The following TFDP2 variants were observed in gnomAD, a reference collection of about 807,000 sequenced individuals.
The protein encoded by TFDP2 is transcription factor Dp-2, also known as transcription factor Dp-2 (E2F dimerization partner 2).
Under a neutral mutation model 59.3 loss-of-function variants are expected in TFDP2, and 17 were observed. That is an observed-to-expected ratio of 0.29 (90% CI 0.20 to 0.43). TFDP2 has a LOEUF of 0.43. Among genes scored for constraint, TFDP2 ranks in the 20% least tolerant of loss-of-function variants. The probability of loss-of-function intolerance (pLI) is 1.00; values close to 1 mark genes in which losing one functional copy is unlikely to be tolerated. For synonymous variants in TFDP2, 180 were observed against 194.7 expected, an observed-to-expected ratio of 0.92 and a Z score of 0.63; for missense variants, 391 against 528.8, an observed-to-expected ratio of 0.74 and a Z score of 2.56.
intron 3 of TFDP2, chr3:142,054,178 C>T (rs1241065893): frequency 1.3e-5 from 2 of 152,158 alleles, no homozygotes; most frequent in Non-Finnish European, 2.9e-5. Context: ...TATGTCAACA[C>T]ATAAGCTTGT....
rs553862604 is a variant in TFDP2 at position 142,139,085 on chromosome 3, C to T, written c.-93+10098G>A. 3.9e-5 allele frequency among the ~76,000 whole-genome samples: 6 copies of T among 152,286 alleles called. No homozygotes were observed. The East Asian group carries it at 7.7e-4, about 20-fold the overall frequency. Reference sequence around the variant, plus strand: ...GCATATACATTTAGGATAGTTAGCTCTTCTTGTTGAATTGATCCCTGTACC... The same window carrying T: ...GCATATACATTTAGGATAGTTAGCTTTTCTTGTTGAATTGATCCCTGTACC... On this transcript the variant is annotated intron_variant, in intron 1 of 12. Transcript: ENST00000489671.
At chr3:141,958,173 T>G (rs892276728) in intron 11 of TFDP2, among the ~76,000 whole-genome samples, 1 of 152,200 alleles carries the variant, frequency 6.6e-6, no homozygotes, top group Non-Finnish European at 1.5e-5. Flanking sequence ...ATGTGGTCAC[T>G]GGGATACATG....
At chr3:142,016,505 T>C (rs893603057) in intron 3 of TFDP2, among the ~76,000 whole-genome samples, 2 of 152,124 alleles carry the variant, frequency 1.3e-5, no homozygotes, top group South Asian at 4.1e-4. Flanking sequence ...TTTGCCATGT[T>C]GGCCAGGCTG....
intron 3 of TFDP2, among the ~76,000 whole-genome samples, chr3:142,062,377 A>G (rs2059945791): frequency 7.8e-6 from 1 of 127,922 alleles, no homozygotes; most frequent in African/African-American, 3.2e-5. Context: ...ATATATACAC[A>G]TATATATATA....
intron 3 of TFDP2, among the ~76,000 whole-genome samples, chr3:142,079,867 C>G (rs538494309): frequency 6.6e-6 from 1 of 152,298 alleles, no homozygotes; most frequent in African/African-American, 2.4e-5. Context: ...TCATCAACAC[C>G]AGACCTGTTC....
chr3:142,129,531 GA>G (rs1040755195), intron 1 of TFDP2, among the ~76,000 whole-genome samples: 2 of 152,010 alleles, frequency 1.3e-5, no homozygotes, highest in African/African-American at 4.8e-5. Flanking sequence ...CTGAATGGGG[GA>G]AAATATTTGC....
At chr3:141,953,510 T>C (rs2107831321) in intron 11 of TFDP2, among the ~76,000 whole-genome samples, 1 of 152,300 alleles carries the variant, frequency 6.6e-6, no homozygotes, top group East Asian at 1.9e-4. Context: ...CGCCGCAATG[T>C]CTTTTCAGGT....
chr3:142,114,278 T>C (rs540600233), intron 1 of TFDP2, among the ~76,000 whole-genome samples: 220 of 152,260 alleles, frequency 1.4e-3, no homozygotes, highest in Admixed American at 5.3e-3. Flanking sequence ...TTTAAATAAA[T>C]GTTACTATAT....
At chr3:141,978,369 T>TC in intron 7 of TFDP2, 151 bp downstream of exon 7, 1 of 781,476 alleles carries the variant, frequency 1.3e-6, no homozygotes, top group East Asian at 3.3e-5. Flanking sequence ...AGGAATTCCC[T>TC]CCAAAATAAA....
At chr3:142,042,905 A>C (rs1400036381) in intron 3 of TFDP2, among the ~76,000 whole-genome samples, 1 of 148,976 alleles carries the variant, frequency 6.7e-6, no homozygotes, top group East Asian at 2.0e-4. Flanking sequence ...ATGCCCGACT[A>C]ATTTTTTTGT....
chr3:142,051,842 A>G (rs2108490033), intron 3 of TFDP2, among the ~76,000 whole-genome samples: 1 of 152,180 alleles, frequency 6.6e-6, no homozygotes, highest in South Asian at 2.1e-4. Context: ...AATTTATCAT[A>G]AGGCTGGACT....
At chr3:142,039,882 C>G (rs1168134520) in intron 3 of TFDP2, among the ~76,000 whole-genome samples, 1 of 152,108 alleles carries the variant, frequency 6.6e-6, no homozygotes, top group East Asian at 1.9e-4. Context: ...GTACCCCAGG[C>G]TCCAGGTACC....
chr3:142,071,663 G>A (rs1322911849), intron 3 of TFDP2, among the ~76,000 whole-genome samples: 1 of 152,190 alleles, frequency 6.6e-6, no homozygotes, highest in African/African-American at 2.4e-5. Context: ...AGCAGTGAAG[G>A]CAGAGAAAAT....
intron 6 of TFDP2, among the ~76,000 whole-genome samples, chr3:141,986,842 T>C (rs939626730): frequency 6.6e-6 from 1 of 152,208 alleles, no homozygotes; most frequent in Non-Finnish European, 1.5e-5. Context: ...GCCATTCTGA[T>C]GGATGTAAAG....
intron 3 of TFDP2, among the ~76,000 whole-genome samples, chr3:142,051,452 T>C (rs1422063251): frequency 1.3e-5 from 2 of 151,830 alleles, no homozygotes; most frequent in African/African-American, 2.4e-5. Context: ...AGCGGGAGAA[T>C]TGCTTGAGCC....
Position 141,946,328 on chromosome 3 carries a change from A to C in TFDP2, c.*6185T>G, listed in dbSNP as rs1399764245. 2 of 152,278 alleles carry C rather than the reference A, an allele frequency of 1.3e-5. No individual in the cohort carries two copies. Among genetic ancestry groups the C allele is most frequent in the African/African-American group, 4.8e-5 (2 of 41,470 alleles). 9.4% of individuals were successfully genotyped at this position (152,278 alleles called of 1,614,324 possible). ...GTTGGCCTCCAATGCAGCTATAAGC[A>C]GTGAAGACCAAAGTCTAACCTGCTG... On this transcript the variant is annotated 3_prime_UTR_variant, in exon 13 of 13. Transcript: ENST00000489671.
At chr3:141,953,656 A>G (rs976429058) in intron 11 of TFDP2, among the ~76,000 whole-genome samples, 4 of 151,618 alleles carry the variant, frequency 2.6e-5, no homozygotes, top group Admixed American at 6.6e-5. Flanking sequence ...TTATACTTTA[A>G]GTTTTAGGGT....
At chr3:142,041,915 C>G (rs557363489) in intron 3 of TFDP2, among the ~76,000 whole-genome samples, 9 of 152,222 alleles carry the variant, frequency 5.9e-5, no homozygotes, top group African/African-American at 2.2e-4. Flanking sequence ...TTGAAAAAAC[C>G]CATTCTTCCA....
intron 4 of TFDP2, among the ~76,000 whole-genome samples, chr3:142,005,095 A>G (rs1324985199): frequency 6.6e-6 from 1 of 152,198 alleles, no homozygotes; most frequent in East Asian, 1.9e-4. Flanking sequence ...TCACCCAGGC[A>G]GGAGTGCAGT....
Sources: allele counts gnomAD v4.1 joint callset (sites outside exome capture counted in the v4.1 genomes callset), GRCh38; gene constraint gnomAD v4.1.1; transcripts MANE v1.5; gene names NCBI Gene and HGNC (gene_info 2026-07-23, HGNC 2026-07-21).